Variants in ADGRF1 observed in about 807,000 individuals in gnomAD.
ADGRF1 encodes the protein adhesion G protein-coupled receptor F1.
In ADGRF1, 85 loss-of-function variants were observed where a neutral mutation model predicts 87.2. The observed-to-expected ratio is 0.97, with a 90% CI of 0.82 to 1.17. The LOEUF (loss-of-function observed/expected upper bound fraction) is 1.17, where lower values mean the gene tolerates loss of function less well. Ranked by LOEUF, ADGRF1 falls within the 50% of genes most tolerant of loss-of-function variation. ADGRF1 has a pLI of 0.00. For synonymous variants in ADGRF1, 430 were observed against 408.8 expected (o/e 1.05, Z -0.63); for missense variants, 1,169 against 1,077.2 (o/e 1.09, Z -1.19).
At chr6:47,008,868 G>T in intron 11 of ADGRF1, 77 bp downstream of exon 11, 1 of 1,262,306 alleles carries the variant, frequency 7.9e-7, no homozygotes, top group Non-Finnish European at 1.1e-6. Flanking sequence ...ATAATCTCCA[G>T]AGTGGTTTTA....
At chr6:47,004,817 T>G (rs1269464782) in intron 13 of ADGRF1, among the ~76,000 whole-genome samples, 1 of 152,156 alleles carries the variant, frequency 6.6e-6, no homozygotes, top group Admixed American at 6.6e-5. Flanking sequence ...AAATTAAAAC[T>G]TAGAGACGAA....
In ADGRF1 at chr6:47,028,976, A is replaced by G. The variant is rs199575044; in HGVS notation, c.69+17T>C. On this transcript the variant is annotated intron_variant, in intron 2 of 14. Coordinates refer to ENST00000371253, the MANE Select transcript of ADGRF1 (RefSeq NM_153840.4). The stretch of plus-strand genomic sequence containing the variant: ...AGAGTTAGTTGAGAAGAGATATGAG[A>G]CATAGCACCAACTCACCCCCAGGAA... 8.9e-5 allele frequency: 143 copies of G among 1,606,860 alleles called. No homozygotes were observed. The highest frequency in any genetic ancestry group is 1.2e-4 in the Non-Finnish European group (139 of 1,173,436).
At chr6:47,007,865 G>A (rs1007680261) in intron 11 of ADGRF1, among the ~76,000 whole-genome samples, 2 of 152,140 alleles carry the variant, frequency 1.3e-5, no homozygotes, top group African/African-American at 4.8e-5. Context: ...CCCCAACAGG[G>A]GTGCCCTAAG....
Position 47,040,336 on chromosome 6 carries a change from G to A in ADGRF1, c.-44+1855C>T, listed in dbSNP as rs139443414. 2.6e-3 allele frequency among the ~76,000 whole-genome samples: 399 copies of A among 152,262 alleles called. 3 individuals carry two copies. The highest frequency in any genetic ancestry group is 9.1e-3 in the African/African-American group (378 of 41,542). On this transcript the variant is annotated intron_variant, in intron 1 of 14. Transcript: ENST00000371253. ...AAATACAAAAAATTAGCCAGGCATG[G>A]TGGTGGATGCCTGTAGTCCCAGCTA...
In ADGRF1 at chr6:47,010,331, G is replaced by A; in HGVS notation, c.1117-13C>T. ...TACTGATGACATCCTGAAACACAAG[G>A]ATGAGAGTCAGTTTGTGTTTTTGAG... On this transcript the variant is annotated splice_polypyrimidine_tract_variant and intron_variant, in intron 10 of 14. Transcript: ENST00000371253. The A allele has an allele frequency of 6.3e-7, 1 of 1,577,040 alleles. No homozygotes were observed. The highest frequency in any genetic ancestry group is 8.6e-7 in the Non-Finnish European group (1 of 1,161,572).
intron 4 of ADGRF1, among the ~76,000 whole-genome samples, chr6:47,025,619 G>T (rs1346011725): frequency 6.6e-6 from 1 of 152,104 alleles, no homozygotes; most frequent in Non-Finnish European, 1.5e-5. Flanking sequence ...TCTATTTTTT[G>T]CTCAGCATGG....
rs1177612025 is a variant in ADGRF1, at chr6:47,010,024, A to G, written c.1411T>C (p.Phe471Leu). 2 of 1,614,054 alleles carry G rather than the reference A, an allele frequency of 1.2e-6. No individual in the cohort carries two copies. The highest frequency in any genetic ancestry group is 2.7e-5 in the African/African-American group (2 of 74,940). ...ATAGTTTCTGGAAGGGATCTCTGGAATTGGTCTGACCCAATTAACACACGG... is the reference window on the plus strand; with the variant it reads ...ATAGTTTCTGGAAGGGATCTCTGGAGTTGGTCTGACCCAATTAACACACGG... ...RGRVLIGSDQ[F>L]QRSLPETIIS... Residue 471 changes from phenylalanine to leucine, a missense_variant, in exon 11 of 15, where the codon TTC (phenylalanine) becomes CTC (leucine). Transcript: ENST00000371253.
At position 47,009,577 on chromosome 6, in the gene ADGRF1, A is replaced by G; in HGVS notation, c.1858T>C (p.Ser620Pro). ...FWKQIKKSQT[S>P]HTRRICMVNI... ...ACCATGCAAATACGACGTGTGTGAG[A>G]GGTTTGGCTTTTTTTAATCTGCTTC... is the stretch of plus-strand genomic sequence containing the variant. The change falls in exon 11 of 15, where the codon TCT becomes CCT. Residue 620 changes from serine (S) to proline (P), a missense_variant. Coordinates refer to ENST00000371253, the MANE Select transcript of ADGRF1 (RefSeq NM_153840.4). The G allele has an allele frequency of 6.2e-7, 1 of 1,614,110 alleles. No individual in the cohort carries two copies. The highest frequency in any genetic ancestry group is 8.5e-7 in the Non-Finnish European group (1 of 1,180,014).
intron 5 of ADGRF1, 57 bp from the exon 6 acceptor site, chr6:47,022,115 G>A (rs1209888939): frequency 2.1e-6 from 2 of 944,262 alleles, no homozygotes; most frequent in African/African-American, 1.7e-5. Context: ...TGATTTACTA[G>A]TAGCATACAA....
intron 1 of ADGRF1, among the ~76,000 whole-genome samples, chr6:47,040,344 T>C (rs1472462270): frequency 6.6e-6 from 1 of 151,152 alleles, no homozygotes; most frequent in Non-Finnish European, 1.5e-5. Flanking sequence ...TGGTGGTGGA[T>C]GCCTGTAGTC....
chr6:47,028,516 G>A (rs566572232), intron 2 of ADGRF1, among the ~76,000 whole-genome samples: 2 of 152,178 alleles, frequency 1.3e-5, no homozygotes, highest in Non-Finnish European at 2.9e-5. Context: ...GAAATAACAC[G>A]TAGGTAATGG....
At chr6:47,018,970 A>G (rs9463280) in intron 7 of ADGRF1, 46,348 of 169,544 alleles carry the variant, frequency 0.27, 6,444 homozygotes, top group South Asian at 0.38. Context: ...CCTAGCTACC[A>G]GGGAGGCATA....
At chr6:47,022,817 T>C (rs1243437095) in intron 5 of ADGRF1, among the ~76,000 whole-genome samples, 1 of 149,382 alleles carries the variant, frequency 6.7e-6, no homozygotes, top group African/African-American at 2.5e-5. Context: ...TTTTTTTTTT[T>C]TTTTTTAGTC....
intron 7 of ADGRF1, chr6:47,019,194 A>G (rs994759952): frequency 1.4e-6 from 1 of 706,252 alleles, no homozygotes; most frequent in Non-Finnish European, 1.7e-6. Flanking sequence ...GATAGAATAT[A>G]AATTAGAAGT....
chr6:47,011,490 G>T (rs1004616164), intron 10 of ADGRF1, among the ~76,000 whole-genome samples: 4 of 152,206 alleles, frequency 2.6e-5, no homozygotes, highest in African/African-American at 9.6e-5. Flanking sequence ...TACCTAAAAT[G>T]TAAGCAGTGT....
intron 1 of ADGRF1, among the ~76,000 whole-genome samples, chr6:47,041,007 G>A (rs1438065498): frequency 2.0e-5 from 3 of 152,188 alleles, no homozygotes; most frequent in African/African-American, 7.2e-5. Flanking sequence ...GCTTGGGGTT[G>A]TGCACAAAAG....
At chr6:47,001,338 TC>T (rs1404570107) in intron 14 of ADGRF1, among the ~76,000 whole-genome samples, 162 bp downstream of exon 14, 1 of 152,254 alleles carries the variant, frequency 6.6e-6, no homozygotes, top group Admixed American at 6.5e-5. Context: ...CATTGTTCTG[TC>T]AGCCCTGAGC....
chr6:47,029,139 C>A, intron 1 of ADGRF1, 35 bp from the exon 2 acceptor site: 5 of 1,213,380 alleles, frequency 4.1e-6, no homozygotes, highest in Non-Finnish European at 4.9e-6. Context: ...GGTAGAGGCA[C>A]AAAAACAAGA....
intron 8 of ADGRF1, among the ~76,000 whole-genome samples, chr6:47,016,232 G>A (rs926069586): frequency 3.3e-5 from 5 of 152,156 alleles, no homozygotes; most frequent in Non-Finnish European, 7.3e-5. Context: ...GTGTGTGCGT[G>A]TCTGTCTGTC....
Sources: gnomAD v4.1 joint callset for allele counts (sites outside exome capture counted in the v4.1 genomes callset) on GRCh38, gnomAD v4.1.1 for gene constraint, MANE v1.5 for transcripts, NCBI Gene and HGNC (gene_info 2026-07-23, HGNC 2026-07-21) for gene names.